The following SPAG17 variants were observed in gnomAD, a reference collection of about 807,000 sequenced individuals.
SPAG17 encodes the protein sperm-associated antigen 17.
SPAG17 carries 169 observed loss-of-function variants against 273.6 expected under a neutral mutation model. The ratio of observed to expected loss-of-function variants is 0.62; its 90% CI spans 0.55 to 0.70. SPAG17 has a LOEUF of 0.70. SPAG17 is among the 30% of genes least tolerant of loss of function. The pLI, the probability that SPAG17 is intolerant of heterozygous loss-of-function variation, is 0.00. For missense variants in SPAG17, 2,557 were observed against 2,627.8 expected (o/e 0.97, Z 0.59); for synonymous variants, 825 against 873.2 (o/e 0.94, Z 0.97).
chr1:118,012,165 T>G, intron 30 of SPAG17, 63 bp downstream of exon 30: 1 of 1,515,194 alleles, frequency 6.6e-7, no homozygotes, highest in Non-Finnish European at 9.0e-7. Flanking sequence ...TCAGTGAGGA[T>G]TCTATCTAAC....
chr1:118,035,320 T>TA (rs750109911), intron 24 of SPAG17, among the ~76,000 whole-genome samples: 1 of 152,164 alleles, frequency 6.6e-6, no homozygotes, highest in African/African-American at 2.4e-5. Flanking sequence ...TCAAGATTAA[T>TA]AAAATCACTC....
chr1:117,997,135 G>C (rs1317558719), intron 32 of SPAG17, among the ~76,000 whole-genome samples: 1 of 152,028 alleles, frequency 6.6e-6, no homozygotes, highest in Non-Finnish European at 1.5e-5. Flanking sequence ...TTATAATCTG[G>C]GATGTCAAAC....
intron 1 of SPAG17, among the ~76,000 whole-genome samples, chr1:118,175,951 C>T (rs966967944): frequency 5.3e-5 from 8 of 151,950 alleles, no homozygotes; most frequent in African/African-American, 1.9e-4. Flanking sequence ...TAAAAATATG[C>T]AAATTGAGAC....
At chr1:118,182,237 T>G (rs1451367877) in intron 1 of SPAG17, among the ~76,000 whole-genome samples, 1 of 151,900 alleles carries the variant, frequency 6.6e-6, no homozygotes, top group Non-Finnish European at 1.5e-5. Flanking sequence ...GTACCTAAAG[T>G]AGTCAAATTT....
chr1:118,160,174 A>G (rs540971073), intron 1 of SPAG17, among the ~76,000 whole-genome samples: 27 of 152,304 alleles, frequency 1.8e-4, no homozygotes, highest in African/African-American at 6.5e-4. Flanking sequence ...TCATCATCAT[A>G]TATTAAAAGC....
intron 20 of SPAG17, 73 bp from the exon 21 acceptor site, chr1:118,042,115 G>A (rs977243448): frequency 4.6e-6 from 7 of 1,522,202 alleles, no homozygotes; most frequent in Non-Finnish European, 6.2e-6. Context: ...GGTTCATTTT[G>A]AAGAATATTT....
chr1:117,996,572 G>T (rs368453322), intron 33 of SPAG17, 26 bp downstream of exon 33: 1 of 1,602,128 alleles, frequency 6.2e-7, no homozygotes, highest in Non-Finnish European at 8.5e-7. Flanking sequence ...AGAATTAAAA[G>T]TAAAATTATA....
chr1:117,955,202 A>T, intron 48 of SPAG17: 1 of 840,754 alleles, frequency 1.2e-6, no homozygotes, highest in Non-Finnish European at 1.8e-6. Context: ...ATTTTAGAAT[A>T]CTTTTTCTGA....
Position 118,185,110 on chromosome 1 carries a change from C to A in SPAG17, c.48G>T (p.Lys16Asn). ...CAGCTATGAGCGAGGGTTCCCATATCTTAGAACTGGTGTTCACAGTTCCTC... is the reference window on the plus strand; with the variant it reads ...CAGCTATGAGCGAGGGTTCCCATATATTAGAACTGGTGTTCACAGTTCCTC... ...EKGGTVNTSS[K>N]IWEPSLIAAQ... Residue 16 changes from lysine (K) to asparagine (N), a missense_variant, in exon 1 of 49, where the codon AAG becomes AAT. Coordinates refer to ENST00000336338, the MANE Select transcript of SPAG17 (RefSeq NM_206996.4). The A allele has an allele frequency of 6.2e-7, 1 of 1,614,208 alleles. No individual in the cohort carries two copies. The highest frequency in any genetic ancestry group is 8.5e-7 in the Non-Finnish European group (1 of 1,180,030).
Position 117,984,763 on chromosome 1 carries a change from G to C in SPAG17, c.5689C>G (p.Gln1897Glu). The C allele has an allele frequency of 3.1e-6, 5 of 1,608,216 alleles. No individual in the cohort carries two copies. Among genetic ancestry groups the C allele is most frequent in the Non-Finnish European group, 4.3e-6 (5 of 1,175,570 alleles). The change falls in exon 41 of 49, where the codon CAG becomes GAG. Residue 1897 changes from glutamine (Q) to glutamate (E), a missense_variant. By Grantham distance (29) the Gln-to-Glu change is conservative (BLOSUM62 2). Transcript: ENST00000336338. The part of the protein sequence containing the change: ...DKTRKEIETT[Q>E]NYLMDIKNRI... ...TTCTTAATATCCATTAGGTAATTCT[G>C]TGTTGTCTCAATTTCCTTCCTGGTT...
At chr1:118,056,712 T>A (rs541957503) in intron 18 of SPAG17, among the ~76,000 whole-genome samples, 1 of 152,170 alleles carries the variant, frequency 6.6e-6, no homozygotes, top group East Asian at 1.9e-4. Flanking sequence ...TATACTCAGG[T>A]TGTTTAATAG....
intron 30 of SPAG17, among the ~76,000 whole-genome samples, chr1:118,008,507 A>G (rs1659145012): frequency 6.6e-6 from 1 of 152,220 alleles, no homozygotes; most frequent in South Asian, 2.1e-4. Context: ...CATAAAATAT[A>G]ATTTAAGCAC....
intron 43 of SPAG17, among the ~76,000 whole-genome samples, chr1:117,975,449 T>G (rs1470406226): frequency 2.6e-5 from 4 of 152,200 alleles, no homozygotes; most frequent in African/African-American, 9.7e-5. Flanking sequence ...TGTCTCTGTT[T>G]TTTTTGCTTG....
intron 17 of SPAG17, among the ~76,000 whole-genome samples, chr1:118,071,015 T>C (rs1209151060): frequency 6.6e-6 from 1 of 151,888 alleles, no homozygotes; most frequent in African/African-American, 2.4e-5. Flanking sequence ...GACAGAAAAT[T>C]AGACTTTTTT....
At chr1:117,959,611 A>G (rs1557833334) in intron 48 of SPAG17, 1 of 656,570 alleles carries the variant, frequency 1.5e-6, no homozygotes. Context: ...GAATTCCAAC[A>G]TGAGATTATG....
chr1:118,153,839 C>T (rs760845993), intron 1 of SPAG17, among the ~76,000 whole-genome samples: 11 of 150,496 alleles, frequency 7.3e-5, no homozygotes, highest in African/African-American at 2.0e-4. Flanking sequence ...AGCGAGACTC[C>T]GTCTCAAAGA....
chr1:118,062,877 C>T (rs997529516), intron 18 of SPAG17, among the ~76,000 whole-genome samples: 1 of 152,110 alleles, frequency 6.6e-6, no homozygotes, highest in African/African-American at 2.4e-5. Context: ...GAATTCATAG[C>T]CTCAGTAGTC....
intron 47 of SPAG17, chr1:117,966,156 A>T (rs1653815154): frequency 6.6e-6 from 1 of 152,512 alleles, no homozygotes; most frequent in South Asian, 2.1e-4. Context: ...TATATGATAA[A>T]CTATTTTATA....
At chr1:118,048,462 T>TA (rs1033915217) in intron 20 of SPAG17, among the ~76,000 whole-genome samples, 7 of 152,158 alleles carry the variant, frequency 4.6e-5, no homozygotes, top group African/African-American at 1.2e-4. Context: ...AACTTTTTGT[T>TA]AAAAAATTAA....
Sources: allele counts gnomAD v4.1 joint callset (sites outside exome capture counted in the v4.1 genomes callset), GRCh38; gene constraint gnomAD v4.1.1; transcripts MANE v1.5; gene names NCBI Gene and HGNC (gene_info 2026-07-23, HGNC 2026-07-21).